RAPGEF4: variants seen among roughly 807,000 people sequenced by gnomAD.
RAPGEF4 encodes the protein Rap guanine nucleotide exchange factor 4, also known as RAP guanine-nucleotide-exchange factor (GEF) 4.
RAPGEF4 carries 66 observed loss-of-function variants against 147.9 expected under a neutral mutation model. The observed-to-expected ratio is 0.45, with a 90% CI of 0.37 to 0.55. The LOEUF (loss-of-function observed/expected upper bound fraction) is 0.55, where lower values mean the gene tolerates loss of function less well. Ranked by LOEUF, RAPGEF4 falls within the 20% of genes least tolerant of loss-of-function variation. The probability of loss-of-function intolerance (pLI) is 0.00; values close to 1 mark genes in which losing one functional copy is unlikely to be tolerated. For synonymous variants in RAPGEF4, 419 were observed against 442.7 expected (o/e 0.95, Z 0.67); for missense variants, 1,071 against 1,257.3 (o/e 0.85, Z 2.24).
chr2:172,844,683 C>T (rs747388220), intron 4 of RAPGEF4, among the ~76,000 whole-genome samples: 1 of 152,150 alleles, frequency 6.6e-6, no homozygotes, highest in African/African-American at 2.4e-5. Flanking sequence ...AGAAGAATTT[C>T]CTCAGAGGAC....
intron 4 of RAPGEF4, among the ~76,000 whole-genome samples, chr2:172,875,545 A>T (rs1695811820): frequency 6.6e-6 from 1 of 152,156 alleles, no homozygotes; most frequent in Non-Finnish European, 1.5e-5. Context: ...TTTGTCAAAA[A>T]TCAGATGATT....
Position 172,885,677 on chromosome 2 carries a change from C to T in RAPGEF4, c.445-32125C>T, listed in dbSNP as rs1398597003. 3.9e-5 allele frequency among the ~76,000 whole-genome samples: 6 copies of T among 152,138 alleles called. No homozygotes were observed. In the East Asian group the frequency reaches 1.2e-3, roughly 29 times the overall value. On this transcript the variant is annotated intron_variant, in intron 4 of 30. Coordinates refer to ENST00000397081, the MANE Select transcript of RAPGEF4 (RefSeq NM_007023.4). ...TGAGACTTATTCACCACCACGAGAA[C>T]AGTATGGGAGGAACCGCCCCCATGA...
At chr2:172,894,890 T>C (rs1305773578) in intron 4 of RAPGEF4, among the ~76,000 whole-genome samples, 1 of 152,060 alleles carries the variant, frequency 6.6e-6, no homozygotes, top group Non-Finnish European at 1.5e-5. Context: ...CAGTGAACAT[T>C]GCGTAGTAAT....
At chr2:173,048,487 A>G in intron 29 of RAPGEF4, 113 bp from the exon 30 acceptor site, 2 of 1,510,680 alleles carry the variant, frequency 1.3e-6, no homozygotes, top group Non-Finnish European at 1.8e-6. Context: ...AACATCTCAG[A>G]ACATGTCACT....
At chr2:172,770,130 A>G (rs1045329066) in intron 1 of RAPGEF4, among the ~76,000 whole-genome samples, 2 of 152,190 alleles carry the variant, frequency 1.3e-5, no homozygotes, top group South Asian at 2.1e-4. Context: ...TTGAGGAAGT[A>G]TAAGAATACC....
In RAPGEF4 at chr2:173,052,068, G is replaced by C. The variant is rs1266351173; in HGVS notation, c.*301G>C. ...TGAATAAGGCCCACGTGAAGAGTTT[G>C]GTAGAAATAGCCTTGTCAAGAGAAC... On this transcript the variant is annotated 3_prime_UTR_variant, in exon 31 of 31. Transcript: ENST00000397081. 1 of 193,360 alleles carries C rather than the reference G, an allele frequency of 5.2e-6. No individual in the cohort carries two copies. Among genetic ancestry groups the C allele is most frequent in the Non-Finnish European group, 1.1e-5 (1 of 94,626 alleles). The allele number at this position is 193,360 out of a possible 1,614,324, so 12.0% of individuals were successfully genotyped here. A position where few individuals can be genotyped will look rare whatever the true frequency, so the allele number is the denominator to read the frequency against.
At position 172,967,163 on chromosome 2, in the gene RAPGEF4, A is replaced by G. The variant is rs2105507354; in HGVS notation, c.821-98A>G. ...CGAGGAGGCTCCCGGCTTTGCTGCC[A>G]CTTGGCCCTCCTGCCTGACACTCTG... On this transcript the variant is annotated intron_variant, in intron 9 of 30. Coordinates refer to ENST00000397081, the MANE Select transcript of RAPGEF4 (RefSeq NM_007023.4). The G allele has an allele frequency of 2.4e-6, 3 of 1,245,596 alleles. No homozygotes were observed. The South Asian group carries it at 4.4e-5, about 18-fold the overall frequency. The allele number at this position is 1,245,596 out of a possible 1,614,324, so 77.2% of individuals were successfully genotyped here. A position where few individuals can be genotyped will look rare whatever the true frequency, so the allele number is the denominator to read the frequency against.
At chr2:172,773,590 A>G (rs1423137262) in intron 1 of RAPGEF4, among the ~76,000 whole-genome samples, 1 of 148,724 alleles carries the variant, frequency 6.7e-6, no homozygotes, top group Non-Finnish European at 1.5e-5. Flanking sequence ...GAGAGCCTCT[A>G]TCTCCTACTC....
At chr2:172,911,758 C>CTTTT (rs34659758) in intron 4 of RAPGEF4, among the ~76,000 whole-genome samples, 4 of 63,218 alleles carry the variant, frequency 6.3e-5, no homozygotes, top group Non-Finnish European at 8.2e-5. Flanking sequence ...TGTGCTAAGC[C>CTTTT]TTTTTTTTTT....
chr2:173,025,817 T>A (rs1285029549), intron 23 of RAPGEF4, among the ~76,000 whole-genome samples: 1 of 152,246 alleles, frequency 6.6e-6, no homozygotes, highest in Non-Finnish European at 1.5e-5. Flanking sequence ...ATACGTGTGC[T>A]TCCTATATAT....
At chr2:172,936,794 T>C (rs1358748327) in intron 6 of RAPGEF4, among the ~76,000 whole-genome samples, 1 of 152,032 alleles carries the variant, frequency 6.6e-6, no homozygotes, top group Non-Finnish European at 1.5e-5. Flanking sequence ...AAAGCAGTTG[T>C]GATGGCTACG....
chr2:172,761,280 C>T (rs1696310121), intron 1 of RAPGEF4, among the ~76,000 whole-genome samples: 1 of 151,920 alleles, frequency 6.6e-6, no homozygotes, highest in Non-Finnish European at 1.5e-5. Flanking sequence ...TGCCCACCAC[C>T]ACGCCTGGCT....
intron 29 of RAPGEF4, among the ~76,000 whole-genome samples, chr2:173,046,484 A>G (rs1230518390): frequency 6.6e-6 from 1 of 152,178 alleles, no homozygotes; most frequent in East Asian, 1.9e-4. Flanking sequence ...TACTGGCAGC[A>G]TTTCCCAGGG....
At chr2:173,028,016 A>T (rs1334864185) in intron 25 of RAPGEF4, among the ~76,000 whole-genome samples, 4 of 152,226 alleles carry the variant, frequency 2.6e-5, no homozygotes, top group African/African-American at 4.8e-5. Flanking sequence ...GGCTGAGAGC[A>T]CAAGTGACCC....
intron 4 of RAPGEF4, among the ~76,000 whole-genome samples, chr2:172,851,486 C>T (rs923534676): frequency 2.6e-5 from 4 of 152,088 alleles, no homozygotes; most frequent in Non-Finnish European, 4.4e-5. Context: ...TATAAAGACA[C>T]ATGCACATGT....
intron 3 of RAPGEF4, among the ~76,000 whole-genome samples, chr2:172,809,468 G>C (rs1687815818): frequency 6.6e-6 from 1 of 152,176 alleles, no homozygotes; most frequent in South Asian, 2.1e-4. Context: ...TCTCCAACCA[G>C]GGTCAGAACT....
intron 4 of RAPGEF4, among the ~76,000 whole-genome samples, chr2:172,860,898 G>C (rs930194908): frequency 2.0e-5 from 3 of 151,994 alleles, no homozygotes; most frequent in African/African-American, 7.2e-5. Context: ...TTAAAAATTT[G>C]TCAATTATTT....
intron 4 of RAPGEF4, among the ~76,000 whole-genome samples, chr2:172,900,844 T>G (rs193038165): frequency 5.3e-5 from 8 of 152,364 alleles, no homozygotes; most frequent in Admixed American, 4.6e-4. Flanking sequence ...CCGTCCATAA[T>G]GTTTTATGAT....
intron 4 of RAPGEF4, among the ~76,000 whole-genome samples, chr2:172,834,753 C>A (rs1690737784): frequency 6.6e-6 from 1 of 152,190 alleles, no homozygotes; most frequent in Non-Finnish European, 1.5e-5. Flanking sequence ...AAAATGAGAA[C>A]CTCTACAAAA....
Sources: gnomAD v4.1 joint callset for allele counts (sites outside exome capture counted in the v4.1 genomes callset) on GRCh38, gnomAD v4.1.1 for gene constraint, MANE v1.5 for transcripts, NCBI Gene and HGNC (gene_info 2026-07-23, HGNC 2026-07-21) for gene names.